The following TSHZ2 variants were observed in gnomAD, a reference collection of about 807,000 sequenced individuals.
TSHZ2 encodes teashirt homolog 2.
TSHZ2 carries 21 observed loss-of-function variants against 74.4 expected under a neutral mutation model. The ratio of observed to expected loss-of-function variants is 0.28; its 90% CI spans 0.20 to 0.41. TSHZ2 has a LOEUF of 0.41. Among genes scored for constraint, TSHZ2 ranks in the 10% least tolerant of loss-of-function variants. The pLI, the probability that TSHZ2 is intolerant of heterozygous loss-of-function variation, is 1.00. For synonymous variants in TSHZ2, 540 were observed against 515.3 expected (o/e 1.05, Z -0.65); for missense variants, 1,244 against 1,293.5 (o/e 0.96, Z 0.59).
chr20:53,052,299 G>A (rs150152382), intron 1 of TSHZ2, among the ~76,000 whole-genome samples: 9 of 152,296 alleles, frequency 5.9e-5, no homozygotes, highest in Non-Finnish European at 8.8e-5. Context: ...GCTGCGGGTC[G>A]CTACTAGTCC....
At chr20:53,011,615 A>T (rs1982854274) in intron 1 of TSHZ2, among the ~76,000 whole-genome samples, 1 of 152,220 alleles carries the variant, frequency 6.6e-6, no homozygotes, top group Non-Finnish European at 1.5e-5. Context: ...ACACAGGAGT[A>T]TGTGGAAAAT....
chr20:53,026,546 T>C (rs1412258312), intron 1 of TSHZ2, among the ~76,000 whole-genome samples: 1 of 152,082 alleles, frequency 6.6e-6, no homozygotes, highest in East Asian at 1.9e-4. Context: ...AAAAATTTTT[T>C]TCTAAGACAA....
At chr20:53,212,764 G>A (rs1410969624) in intron 1 of TSHZ2, among the ~76,000 whole-genome samples, 1 of 152,182 alleles carries the variant, frequency 6.6e-6, no homozygotes, top group Non-Finnish European at 1.5e-5. Context: ...CCCCCAGATT[G>A]AGAACCAGCA....
chr20:53,065,032 A>G (rs1327178461), intron 1 of TSHZ2, among the ~76,000 whole-genome samples: 1 of 152,242 alleles, frequency 6.6e-6, no homozygotes, highest in African/African-American at 2.4e-5. Flanking sequence ...AAATTCGAAA[A>G]TCGGTACATA....
intron 2 of TSHZ2, among the ~76,000 whole-genome samples, chr20:53,434,152 G>A (rs900845766): frequency 1.3e-5 from 2 of 152,150 alleles, no homozygotes; most frequent in African/African-American, 2.4e-5. Context: ...TTACAGGCAC[G>A]AGCCACCACA....
At chr20:53,329,336 A>C (rs541193043) in intron 2 of TSHZ2, among the ~76,000 whole-genome samples, 1 of 148,828 alleles carries the variant, frequency 6.7e-6, no homozygotes, top group Non-Finnish European at 1.5e-5. Flanking sequence ...CACAAAATTA[A>C]CTTAAAACTA....
At chr20:53,149,625 A>C (rs79609014) in intron 1 of TSHZ2, among the ~76,000 whole-genome samples, 1 of 152,310 alleles carries the variant, frequency 6.6e-6, no homozygotes, top group African/African-American at 2.4e-5. Flanking sequence ...CCGTAACAGG[A>C]AACCTCTTTA....
At chr20:53,138,670 G>C (rs1393703717) in intron 1 of TSHZ2, among the ~76,000 whole-genome samples, 10 of 152,120 alleles carry the variant, frequency 6.6e-5, no homozygotes, top group African/African-American at 1.9e-4. Context: ...TCAAAACCCA[G>C]TTTACATGTG....
intron 2 of TSHZ2, chr20:53,399,214 C>T (rs556188536): frequency 3.3e-5 from 5 of 152,230 alleles, no homozygotes; most frequent in East Asian, 1.9e-4. Flanking sequence ...GATTCACACA[C>T]GATAATTTAA....
intron 2 of TSHZ2, among the ~76,000 whole-genome samples, chr20:53,257,928 G>T (rs761911179): frequency 5.3e-5 from 8 of 152,232 alleles, no homozygotes; most frequent in Non-Finnish European, 1.2e-4. Context: ...GACACTAGGA[G>T]AGTTCCAGGT....
In TSHZ2 at chr20:53,315,108, C is replaced by T. The variant is rs117233574; in HGVS notation, c.*8+58537C>T. Among the ~76,000 whole-genome samples, 417 of 152,330 alleles carry T rather than the reference C, an allele frequency of 2.7e-3. 8 individuals carry two copies. The highest frequency in any genetic ancestry group is 0.018 in the East Asian group (93 of 5,188). On this transcript the variant is annotated intron_variant, in intron 2 of 2. Coordinates refer to ENST00000371497, the MANE Select transcript of TSHZ2 (RefSeq NM_173485.6). ...CTACTTCTTGATGGGTGCAGTTCCACGCATGTGTATGAAGAAGAGGAATTA... is the reference window on the plus strand; with the variant it reads ...CTACTTCTTGATGGGTGCAGTTCCATGCATGTGTATGAAGAAGAGGAATTA...
At chr20:53,456,551 C>T (rs1416449065) in intron 2 of TSHZ2, among the ~76,000 whole-genome samples, 30 of 109,180 alleles carry the variant, frequency 2.7e-4, no homozygotes, top group African/African-American at 1.1e-3. Flanking sequence ...TGCAGAAGCT[C>T]TTTAGTTTAA....
At chr20:53,194,290 T>A (rs1366638038) in intron 1 of TSHZ2, among the ~76,000 whole-genome samples, 2 of 152,214 alleles carry the variant, frequency 1.3e-5, no homozygotes, top group Admixed American at 1.3e-4. Flanking sequence ...CCCTGATTTG[T>A]AATCTCTAAG....
intron 2 of TSHZ2, among the ~76,000 whole-genome samples, chr20:53,287,752 AC>A (rs1396513902): frequency 2.0e-5 from 3 of 152,244 alleles, no homozygotes; most frequent in African/African-American, 7.2e-5. Flanking sequence ...TTGAAAACAA[AC>A]AAAAATCATG....
At chr20:53,118,315 AAAG>A (rs1986722887) in intron 1 of TSHZ2, among the ~76,000 whole-genome samples, 1 of 152,318 alleles carries the variant, frequency 6.6e-6, no homozygotes, top group East Asian at 1.9e-4. Flanking sequence ...ATGACCCAAA[AAAG>A]AAGAAGAAAA....
At chr20:53,047,174 C>T (rs1240368164) in intron 1 of TSHZ2, among the ~76,000 whole-genome samples, 2 of 152,144 alleles carry the variant, frequency 1.3e-5, no homozygotes, top group Non-Finnish European at 2.9e-5. Flanking sequence ...TAAACAATGC[C>T]GGTTTGGCTT....
chr20:53,231,056 G>A, intron 1 of TSHZ2, among the ~76,000 whole-genome samples: 1 of 152,126 alleles, frequency 6.6e-6, no homozygotes, highest in African/African-American at 2.4e-5. Context: ...TTTCTTGAGG[G>A]AAGGAGGGTA....
intron 2 of TSHZ2, among the ~76,000 whole-genome samples, chr20:53,289,262 G>T (rs767695977): frequency 6.6e-6 from 1 of 152,164 alleles, no homozygotes; most frequent in East Asian, 1.9e-4. Flanking sequence ...TGCAAATTGT[G>T]CTGCTATAAA....
chr20:53,135,378 T>C (rs1987219879), intron 1 of TSHZ2, among the ~76,000 whole-genome samples: 1 of 152,170 alleles, frequency 6.6e-6, no homozygotes, highest in Admixed American at 6.5e-5. Flanking sequence ...ATAATGTATA[T>C]AGATAGAAGC....
Sources: gnomAD v4.1 joint callset for allele counts (sites outside exome capture counted in the v4.1 genomes callset) on GRCh38, gnomAD v4.1.1 for gene constraint, MANE v1.5 for transcripts, NCBI Gene and HGNC (gene_info 2026-07-23, HGNC 2026-07-21) for gene names.